Variants in STON2 observed in about 807,000 individuals in gnomAD.
STON2 encodes stonin-2.
STON2 carries 29 observed loss-of-function variants against 65.7 expected under a neutral mutation model. The observed-to-expected ratio is 0.44, with a 90% CI of 0.33 to 0.60. The LOEUF is 0.60. STON2 is among the 20% of genes least tolerant of loss of function. STON2 has a pLI of 0.03. For missense variants in STON2, 1,054 were observed against 1,118.1 expected (o/e 0.94, Z 0.82); for synonymous variants, 404 against 414.2 (o/e 0.98, Z 0.30).
intron 2 of STON2, among the ~76,000 whole-genome samples, chr14:81,407,114 A>C (rs1407190887): frequency 2.6e-5 from 4 of 152,164 alleles, no homozygotes; most frequent in Admixed American, 1.3e-4. Flanking sequence ...TGTTGACCGA[A>C]GCCTGAAAAC....
At chr14:81,273,870 C>T (rs1011436777) in intron 6 of STON2, among the ~76,000 whole-genome samples, 3 of 152,122 alleles carry the variant, frequency 2.0e-5, no homozygotes, top group Non-Finnish European at 2.9e-5. Flanking sequence ...TTCCAGTCAG[C>T]GGGGCCTTTG....
chr14:81,318,806 A>C (rs1231564638), intron 5 of STON2, among the ~76,000 whole-genome samples: 1 of 152,206 alleles, frequency 6.6e-6, no homozygotes, highest in Non-Finnish European at 1.5e-5. Context: ...ACGCCACTGC[A>C]CTCCAGCCTG....
chr14:81,434,710 G>A (rs966068274), intron 1 of STON2, among the ~76,000 whole-genome samples: 2 of 152,090 alleles, frequency 1.3e-5, no homozygotes, highest in South Asian at 2.1e-4. Flanking sequence ...GGAGGCAATT[G>A]AGCAGGGGGT....
chr14:81,418,833 T>G (rs1404737549), intron 2 of STON2, among the ~76,000 whole-genome samples: 1 of 152,208 alleles, frequency 6.6e-6, no homozygotes, highest in Non-Finnish European at 1.5e-5. Context: ...GGAAATACAC[T>G]TAGGTAGTCT....
chr14:81,300,255 T>C (rs116656348), intron 5 of STON2, among the ~76,000 whole-genome samples: 2,250 of 152,030 alleles, frequency 0.015, 32 homozygotes, highest in Non-Finnish European at 0.024. Flanking sequence ...AGTAGACCTT[T>C]ACCCTTCCTT....
At chr14:81,354,261 T>C (rs1898135900) in intron 4 of STON2, among the ~76,000 whole-genome samples, 1 of 152,084 alleles carries the variant, frequency 6.6e-6, no homozygotes, top group Non-Finnish European at 1.5e-5. Context: ...AGCTGCCCCA[T>C]CCAAATGCAA....
At chr14:81,331,904 C>T (rs1436676576) in intron 4 of STON2, among the ~76,000 whole-genome samples, 2 of 152,238 alleles carry the variant, frequency 1.3e-5, no homozygotes, top group African/African-American at 4.8e-5. Flanking sequence ...GGTCTGTCAT[C>T]TTCCCAGGGA....
chr14:81,371,522 C>T (rs563148696), intron 3 of STON2, among the ~76,000 whole-genome samples: 6 of 151,920 alleles, frequency 3.9e-5, no homozygotes, highest in East Asian at 1.9e-4. Context: ...GGTGAAACCC[C>T]GTCTCTGCTA....
intron 5 of STON2, among the ~76,000 whole-genome samples, chr14:81,301,710 T>C (rs939771037): frequency 6.6e-6 from 1 of 152,202 alleles, no homozygotes; most frequent in Non-Finnish European, 1.5e-5. Flanking sequence ...ATGTGAATAA[T>C]TACTCAAAAA....
chr14:81,292,238 C>T (rs995113291), intron 5 of STON2, among the ~76,000 whole-genome samples: 3 of 152,240 alleles, frequency 2.0e-5, no homozygotes, highest in African/African-American at 7.2e-5. Context: ...GCTGGAGTTG[C>T]TGCCAGGGCC....
intron 4 of STON2, among the ~76,000 whole-genome samples, chr14:81,340,458 C>G (rs907934222): frequency 2.6e-5 from 4 of 152,200 alleles, no homozygotes; most frequent in Non-Finnish European, 5.9e-5. Flanking sequence ...AACACAATGG[C>G]TCTATAGATC....
In STON2 at chr14:81,296,684, T is replaced by C. The variant is rs369938006; in HGVS notation, c.743-17945A>G. On this transcript the variant is annotated intron_variant, in intron 5 of 7. Coordinates refer to ENST00000614646, the MANE Select transcript of STON2 (RefSeq NM_001394390.1). ...AAACCTTACTTAACTGTAGGGCAGGTTGCACAATATAAAACACAGAGGGTT... is the reference window on the plus strand; with the variant it reads ...AAACCTTACTTAACTGTAGGGCAGGCTGCACAATATAAAACACAGAGGGTT... Among the ~76,000 whole-genome samples the C allele has an allele frequency of 8.5e-5, 13 of 152,306 alleles. No individual in the cohort carries two copies. In the East Asian group the frequency reaches 1.9e-3, roughly 23 times the overall value.
At chr14:81,389,848 A>G (rs1234770566) in intron 3 of STON2, among the ~76,000 whole-genome samples, 1 of 152,170 alleles carries the variant, frequency 6.6e-6, no homozygotes, top group Non-Finnish European at 1.5e-5. Context: ...CTTCTCAGAC[A>G]AGTAATTCTC....
At chr14:81,419,713 C>T (rs1053506048) in intron 2 of STON2, among the ~76,000 whole-genome samples, 2 of 152,180 alleles carry the variant, frequency 1.3e-5, no homozygotes, top group East Asian at 3.8e-4. Flanking sequence ...GCCCATGATC[C>T]TCTAGGGAAA....
Position 81,263,195 on chromosome 14 carries a change from T to C in STON2, c.*5219A>G, listed in dbSNP as rs1432733487. The C allele has an allele frequency of 2.0e-6, 2 of 982,880 alleles. No individual in the cohort carries two copies. The highest frequency in any genetic ancestry group is 1.2e-6 in the Non-Finnish European group (1 of 827,630). The allele number at this position is 982,880 out of a possible 1,614,324, so 60.9% of individuals were successfully genotyped here. A position where few individuals can be genotyped will look rare whatever the true frequency, so the allele number is the denominator to read the frequency against. On this transcript the variant is annotated 3_prime_UTR_variant, in exon 8 of 8. Transcript: ENST00000614646. Reference sequence around the variant, plus strand: ...GCTAGCTTGTCCAACCCTTGGCCCATGATGGTTTTGAATGTGGCCCAAGAC... The same window carrying C: ...GCTAGCTTGTCCAACCCTTGGCCCACGATGGTTTTGAATGTGGCCCAAGAC...
Position 81,263,064 on chromosome 14 carries a change from A to AGTGT in STON2, c.*5346_*5349dup, listed in dbSNP as rs1325602473. On this transcript the variant is annotated 3_prime_UTR_variant, in exon 8 of 8. Coordinates refer to ENST00000614646, the MANE Select transcript of STON2 (RefSeq NM_001394390.1). Reference sequence around the variant, plus strand: ...TGGTTTGAATGGGACTTAGTAGTAAAGTGTGTGAGACAGTGCATTTACCAA... The same window carrying AGTGT: ...TGGTTTGAATGGGACTTAGTAGTAAAGTGTGTGTGTGAGACAGTGCATTTACCAA... 1 of 985,214 alleles carries AGTGT rather than the reference A, an allele frequency of 1.0e-6. No homozygotes were observed. Among genetic ancestry groups the AGTGT allele is most frequent in the Non-Finnish European group, 1.2e-6 (1 of 829,876 alleles). 61.0% of individuals were successfully genotyped at this position (985,214 alleles called of 1,614,324 possible). A position where few individuals can be genotyped will look rare whatever the true frequency, so the allele number is the denominator to read the frequency against.
intron 5 of STON2, among the ~76,000 whole-genome samples, chr14:81,287,597 T>G (rs974979885): frequency 3.9e-5 from 6 of 152,124 alleles, no homozygotes; most frequent in Non-Finnish European, 8.8e-5. Flanking sequence ...CATCCCAGCT[T>G]TCATTTTTTT....
intron 2 of STON2, among the ~76,000 whole-genome samples, chr14:81,417,650 CTG>C (rs1293936501): frequency 2.0e-5 from 3 of 152,096 alleles, no homozygotes; most frequent in Non-Finnish European, 2.9e-5. Flanking sequence ...GATGCAAAGA[CTG>C]TGAAAATGTA....
intron 5 of STON2, among the ~76,000 whole-genome samples, chr14:81,292,025 C>A (rs947850236): frequency 6.6e-6 from 1 of 152,112 alleles, no homozygotes; most frequent in Non-Finnish European, 1.5e-5. Context: ...TTCCTTTAAA[C>A]CTTTCTATTA....
Sources: allele counts gnomAD v4.1 joint callset (sites outside exome capture counted in the v4.1 genomes callset), GRCh38; gene constraint gnomAD v4.1.1; transcripts MANE v1.5; gene names NCBI Gene and HGNC (gene_info 2026-07-23, HGNC 2026-07-21).